Variants in CDKAL1 observed in about 807,000 individuals in gnomAD.
CDKAL1 encodes the protein CDKAL1 threonylcarbamoyladenosine tRNA methylthiotransferase.
CDKAL1 carries 32 observed loss-of-function variants against 68.2 expected under a neutral mutation model. The observed-to-expected ratio is 0.47, with a 90% CI of 0.35 to 0.63. CDKAL1 has a LOEUF of 0.63. Among genes scored for constraint, CDKAL1 ranks in the 30% least tolerant of loss-of-function variants. The pLI is 0.00. For missense variants in CDKAL1, 606 were observed against 696.7 expected (o/e 0.87, Z 1.47); for synonymous variants, 234 against 244.3 (o/e 0.96, Z 0.39).
chr6:20,701,532 G>T (rs1002096115), intron 5 of CDKAL1, among the ~76,000 whole-genome samples: 20 of 152,204 alleles, frequency 1.3e-4, no homozygotes, highest in Admixed American at 2.0e-4. Flanking sequence ...TGCCTCAGAA[G>T]TGGAGACATG....
chr6:20,569,020 A>G (rs1211147645), intron 4 of CDKAL1, among the ~76,000 whole-genome samples: 1 of 152,170 alleles, frequency 6.6e-6, no homozygotes, highest in Non-Finnish European at 1.5e-5. Context: ...GGCTTATAAT[A>G]AGCCTCAGTG....
chr6:21,020,905 C>T (rs1768626853), intron 11 of CDKAL1, among the ~76,000 whole-genome samples: 1 of 151,442 alleles, frequency 6.6e-6, no homozygotes, highest in Admixed American at 6.6e-5. Flanking sequence ...GTGTGTGTGC[C>T]ACGGTACCTG....
chr6:20,916,927 A>G (rs929485168), intron 9 of CDKAL1, among the ~76,000 whole-genome samples: 3 of 152,000 alleles, frequency 2.0e-5, no homozygotes, highest in Non-Finnish European at 4.4e-5. Context: ...GCTGTTCTTA[A>G]TAATGTTGTT....
At chr6:20,751,840 T>G (rs1000887955) in intron 6 of CDKAL1, among the ~76,000 whole-genome samples, 3 of 152,168 alleles carry the variant, frequency 2.0e-5, no homozygotes, top group African/African-American at 7.2e-5. Flanking sequence ...AAGATACTGT[T>G]TTATTTATTT....
intron 7 of CDKAL1, among the ~76,000 whole-genome samples, chr6:20,772,529 G>A (rs1460579175): frequency 6.6e-6 from 1 of 152,216 alleles, no homozygotes. Flanking sequence ...GCCCCAGAAG[G>A]TATCTCCATT....
chr6:20,773,661 C>G (rs2150365458), intron 7 of CDKAL1, among the ~76,000 whole-genome samples: 1 of 152,118 alleles, frequency 6.6e-6, no homozygotes, highest in Middle Eastern at 3.4e-3. Flanking sequence ...CATTCTCCTG[C>G]CTCAGCCTCC....
At chr6:21,001,526 T>G (rs905332627) in intron 11 of CDKAL1, among the ~76,000 whole-genome samples, 26 of 152,222 alleles carry the variant, frequency 1.7e-4, no homozygotes, top group African/African-American at 5.5e-4. Context: ...CAAATACAGC[T>G]AATTGTCCAA....
chr6:20,549,057 A>G (rs1368684033), intron 4 of CDKAL1, among the ~76,000 whole-genome samples: 2 of 152,124 alleles, frequency 1.3e-5, no homozygotes, highest in Non-Finnish European at 2.9e-5. Context: ...GAATTTTACC[A>G]GTTTTCCCAT....
Position 21,198,010 on chromosome 6 carries a change from T to C in CDKAL1, c.1300-11T>C. On this transcript the variant is annotated splice_polypyrimidine_tract_variant and intron_variant, in intron 13 of 15. Coordinates refer to ENST00000274695, the MANE Select transcript of CDKAL1 (RefSeq NM_017774.3). ...TATCTTTCCTTTCTTTCCCTCCCCT[T>C]CTCTCCACAGATTGGTGAAAGACAA... 4.5e-6 allele frequency: 7 copies of C among 1,567,682 alleles called. No individual in the cohort carries two copies. The highest frequency in any genetic ancestry group is 5.2e-6 in the Non-Finnish European group (6 of 1,145,794).
At chr6:20,585,861 C>CT (rs111963767) in intron 4 of CDKAL1, among the ~76,000 whole-genome samples, 254 of 147,388 alleles carry the variant, frequency 1.7e-3, no homozygotes, top group East Asian at 0.012. Context: ...TATGCTGATG[C>CT]TTTTTTTTTT....
intron 5 of CDKAL1, among the ~76,000 whole-genome samples, chr6:20,694,056 G>A (rs1326365247): frequency 1.1e-5 from 1 of 87,586 alleles, no homozygotes; most frequent in African/African-American, 4.0e-5. Context: ...GTGTGTGTGT[G>A]TGTGTATGTG....
At chr6:20,764,269 C>T (rs184108526) in intron 7 of CDKAL1, among the ~76,000 whole-genome samples, 8 of 152,140 alleles carry the variant, frequency 5.3e-5, no homozygotes, top group Non-Finnish European at 1.2e-4. Context: ...TTTACCATTA[C>T]GTCATGTTTC....
chr6:20,871,055 A>G (rs889375526), intron 9 of CDKAL1, among the ~76,000 whole-genome samples: 3 of 152,222 alleles, frequency 2.0e-5, no homozygotes, highest in African/African-American at 7.2e-5. Context: ...TACCCACACA[A>G]TTCCAAGGTA....
Position 20,764,910 on chromosome 6 carries a change from A to G in CDKAL1, c.517+6267A>G, listed in dbSNP as rs1479890919. 7.2e-5 allele frequency among the ~76,000 whole-genome samples: 11 copies of G among 152,294 alleles called. No homozygotes were observed. The East Asian group carries it at 2.1e-3, about 29-fold the overall frequency. On this transcript the variant is annotated intron_variant, in intron 7 of 15. Coordinates refer to ENST00000274695, the MANE Select transcript of CDKAL1 (RefSeq NM_017774.3). ...GTTAGTATAGTCTGAATGTAGTGGG[A>G]AAAAGTTTGTGGATTGCCTTACATG...
chr6:20,700,777 CA>C (rs1771315002), intron 5 of CDKAL1, among the ~76,000 whole-genome samples: 1 of 152,104 alleles, frequency 6.6e-6, no homozygotes, highest in South Asian at 2.1e-4. Context: ...ACTTCAGGAC[CA>C]GATGGAACTA....
intron 11 of CDKAL1, among the ~76,000 whole-genome samples, chr6:21,058,756 A>T (rs767918020): frequency 1.3e-5 from 2 of 152,220 alleles, no homozygotes; most frequent in Non-Finnish European, 2.9e-5. Flanking sequence ...GGGGCTGCAG[A>T]ACAGCAAAGA....
chr6:21,136,300 C>T (rs1022589378), intron 13 of CDKAL1, among the ~76,000 whole-genome samples: 2 of 152,212 alleles, frequency 1.3e-5, no homozygotes, highest in African/African-American at 4.8e-5. Flanking sequence ...TTTATTGTCA[C>T]TGTACGCAAG....
chr6:20,718,157 G>C (rs1772181304), intron 5 of CDKAL1, among the ~76,000 whole-genome samples: 1 of 152,178 alleles, frequency 6.6e-6, no homozygotes, highest in Non-Finnish European at 1.5e-5. Flanking sequence ...TTAGCTGTAA[G>C]TAGTAGAGAC....
At chr6:20,866,144 G>A (rs1759895939) in intron 9 of CDKAL1, among the ~76,000 whole-genome samples, 1 of 152,114 alleles carries the variant, frequency 6.6e-6, no homozygotes, top group Non-Finnish European at 1.5e-5. Flanking sequence ...CCCTTGATTA[G>A]CTCTCAGTTG....
Sources: allele counts gnomAD v4.1 joint callset (sites outside exome capture counted in the v4.1 genomes callset), GRCh38; gene constraint gnomAD v4.1.1; transcripts MANE v1.5; gene names NCBI Gene and HGNC (gene_info 2026-07-23, HGNC 2026-07-21).